NLGN1: variants seen among roughly 807,000 people sequenced by gnomAD.
NLGN1 encodes neuroligin-1.
NLGN1 carries 12 observed loss-of-function variants against 65.5 expected under a neutral mutation model. The ratio of observed to expected loss-of-function variants is 0.18; its 90% confidence interval spans 0.12 to 0.30. The LOEUF is 0.30. Among genes scored for constraint, NLGN1 ranks in the 10% least tolerant of loss-of-function variants. The pLI is 1.00. For missense variants in NLGN1, 750 were observed against 1,007.1 expected, an observed-to-expected ratio of 0.74 and a Z score of 3.46; for synonymous variants, 350 against 359.5, an observed-to-expected ratio of 0.97 and a Z score of 0.30.
At chr3:173,662,347 C>T (rs1227886390) in intron 3 of NLGN1, among the ~76,000 whole-genome samples, 2 of 151,878 alleles carry the variant, frequency 1.3e-5, no homozygotes, top group Non-Finnish European at 2.9e-5. Context: ...GTATGTCAGC[C>T]TTGACCAAAT....
intron 3 of NLGN1, among the ~76,000 whole-genome samples, chr3:173,715,833 T>C (rs147992266): frequency 2.0e-5 from 3 of 152,280 alleles, no homozygotes; most frequent in Non-Finnish European, 4.4e-5. Flanking sequence ...ATCCTTGTCC[T>C]GTTTATACTG....
chr3:173,542,001 A>G (rs1560411370), intron 2 of NLGN1, among the ~76,000 whole-genome samples: 1 of 152,076 alleles, frequency 6.6e-6, no homozygotes, highest in Admixed American at 6.6e-5. Flanking sequence ...ATAATTTTCT[A>G]CTACATCCAT....
At chr3:173,404,028 T>C (rs1485375572) in intron 1 of NLGN1, among the ~76,000 whole-genome samples, 1 of 152,156 alleles carries the variant, frequency 6.6e-6, no homozygotes, top group Non-Finnish European at 1.5e-5. Context: ...GTGCTTGAGT[T>C]ATTTTTATGG....
At position 174,037,368 on chromosome 3, in the gene NLGN1, G is replaced by A. The variant is rs147857592; in HGVS notation, c.646+229536G>A. On this transcript the variant is annotated intron_variant, in intron 4 of 6. Coordinates refer to ENST00000457714, the Ensembl canonical transcript of NLGN1. ...CTGTTTAAAAACTAAATAATCATCCGTGATAATTTCTTGATATGCCCCAGG... is the reference window on the plus strand; with the variant it reads ...CTGTTTAAAAACTAAATAATCATCCATGATAATTTCTTGATATGCCCCAGG... 1.3e-4 allele frequency among the ~76,000 whole-genome samples: 20 copies of A among 152,128 alleles called. No homozygotes were observed. The East Asian group carries it at 2.1e-3, about 16-fold the overall frequency.
intron 2 of NLGN1, among the ~76,000 whole-genome samples, chr3:173,529,574 C>T (rs1401714767): frequency 1.3e-5 from 2 of 152,316 alleles, no homozygotes; most frequent in South Asian, 4.1e-4. Flanking sequence ...CTGTTTATCA[C>T]ACCCCTGTCC....
intron 3 of NLGN1, among the ~76,000 whole-genome samples, chr3:173,682,179 G>T (rs906748870): frequency 3.3e-5 from 5 of 152,018 alleles, no homozygotes; most frequent in Non-Finnish European, 7.4e-5. Context: ...TTATATGAAA[G>T]AGTTTATGTA....
chr3:173,504,938 A>C (rs903872987), intron 2 of NLGN1, among the ~76,000 whole-genome samples: 1 of 152,120 alleles, frequency 6.6e-6, no homozygotes, highest in Non-Finnish European at 1.5e-5. Context: ...CCTCAAATCT[A>C]AAGAGCAGAT....
intron 4 of NLGN1, among the ~76,000 whole-genome samples, chr3:174,165,251 G>A (rs970060967): frequency 2.6e-5 from 4 of 151,966 alleles, no homozygotes; most frequent in Non-Finnish European, 5.9e-5. Flanking sequence ...TAGGAATGGT[G>A]AGAATGGACA....
At chr3:173,472,762 G>A (rs938222498) in intron 2 of NLGN1, among the ~76,000 whole-genome samples, 4 of 152,130 alleles carry the variant, frequency 2.6e-5, no homozygotes, top group Middle Eastern at 3.4e-3. Flanking sequence ...TAATTACTGC[G>A]ACTATAGCAT....
At chr3:174,275,090 A>ATAAGT (rs1382465916) in intron 4 of NLGN1, among the ~76,000 whole-genome samples, 1 of 151,758 alleles carries the variant, frequency 6.6e-6, no homozygotes. Flanking sequence ...TGTTACCTGG[A>ATAAGT]TAAGTTGGGA....
intron 2 of NLGN1, among the ~76,000 whole-genome samples, chr3:173,594,362 C>T (rs2149408822): frequency 6.6e-6 from 1 of 152,310 alleles, no homozygotes; most frequent in South Asian, 2.1e-4. Context: ...CAAAATCCAG[C>T]AGTGCAGTCA....
At chr3:173,693,995 A>G (rs1244358560) in intron 3 of NLGN1, among the ~76,000 whole-genome samples, 1 of 152,110 alleles carries the variant, frequency 6.6e-6, no homozygotes, top group Non-Finnish European at 1.5e-5. Flanking sequence ...AATAGGAAGA[A>G]ATAAAAGGAA....
At chr3:173,803,101 A>G (rs557134886) in intron 3 of NLGN1, among the ~76,000 whole-genome samples, 19 of 152,196 alleles carry the variant, frequency 1.2e-4, no homozygotes, top group African/African-American at 4.6e-4. Flanking sequence ...TCAGCCTCCC[A>G]CAGTGCTGGG....
At chr3:173,831,863 CTCTTCGTTGTTT>C (rs1372387877) in intron 4 of NLGN1, among the ~76,000 whole-genome samples, 3 of 152,136 alleles carry the variant, frequency 2.0e-5, no homozygotes, top group Non-Finnish European at 4.4e-5. Flanking sequence ...GATTCTCTTT[CTCTTCGTTGTTT>C]TCTTTATTCA....
intron 4 of NLGN1, among the ~76,000 whole-genome samples, chr3:173,816,053 A>C (rs1325695773): frequency 9.8e-6 from 1 of 101,698 alleles, no homozygotes; most frequent in African/African-American, 3.3e-5. Flanking sequence ...ATAGTCAGTA[A>C]TGAAATACTG....
chr3:173,454,460 C>G (rs1000251265), intron 2 of NLGN1, among the ~76,000 whole-genome samples: 8 of 152,158 alleles, frequency 5.3e-5, no homozygotes, highest in Admixed American at 5.2e-4. Flanking sequence ...TAGAAGAAAG[C>G]CTACAAGCCA....
chr3:174,182,660 A>T (rs1730666027), intron 4 of NLGN1, among the ~76,000 whole-genome samples: 2 of 152,166 alleles, frequency 1.3e-5, no homozygotes, highest in Admixed American at 1.3e-4. Flanking sequence ...ACCATATGAC[A>T]TACCTCATAG....
At chr3:173,496,063 T>G (rs1164126037) in intron 2 of NLGN1, among the ~76,000 whole-genome samples, 1 of 151,830 alleles carries the variant, frequency 6.6e-6, no homozygotes, top group Non-Finnish European at 1.5e-5. Context: ...TGTCAGCTTT[T>G]GCAGATTTTG....
At chr3:173,904,575 G>A (rs1226289996) in intron 4 of NLGN1, among the ~76,000 whole-genome samples, 3 of 149,968 alleles carry the variant, frequency 2.0e-5, no homozygotes, top group African/African-American at 7.4e-5. Context: ...CCTATTGAAT[G>A]TTCCCATTTC....
Sources: allele counts gnomAD v4.1 joint callset (sites outside exome capture counted in the v4.1 genomes callset), GRCh38; gene constraint gnomAD v4.1.1; transcripts MANE v1.5; gene names NCBI Gene and HGNC (gene_info 2026-07-23, HGNC 2026-07-21).